Variants in PPFIA2 observed in about 807,000 individuals in gnomAD.
PPFIA2 encodes the protein PPFI scaffold protein A2.
Under a neutral mutation model 175.5 loss-of-function variants are expected in PPFIA2, and 46 were observed. The observed-to-expected ratio is 0.26, with a 90% CI of 0.21 to 0.34. The LOEUF (loss-of-function observed/expected upper bound fraction) is 0.34, where lower values mean the gene tolerates loss of function less well. Ranked by LOEUF, PPFIA2 falls within the 10% of genes least tolerant of loss-of-function variation. The probability of loss-of-function intolerance (pLI) is 1.00; values close to 1 mark genes in which losing one functional copy is unlikely to be tolerated. For missense variants in PPFIA2, 1,179 were observed against 1,506.1 expected (o/e 0.78, Z 3.60); for synonymous variants, 568 against 511.4 (o/e 1.11, Z -1.49).
At chr12:81,446,359 A>G (rs2051255051) in intron 5 of PPFIA2, among the ~76,000 whole-genome samples, 1 of 152,184 alleles carries the variant, frequency 6.6e-6, no homozygotes, top group Non-Finnish European at 1.5e-5. Context: ...TGGGGCCATG[A>G]CAGAGGTGGA....
chr12:81,409,986 G>C (rs991238991), intron 7 of PPFIA2, among the ~76,000 whole-genome samples: 1 of 152,092 alleles, frequency 6.6e-6, no homozygotes, highest in Non-Finnish European at 1.5e-5. Flanking sequence ...GTTTTGAGAG[G>C]TAAGGTCTTT....
At chr12:81,693,944 G>T (rs1396653562) in intron 3 of PPFIA2, among the ~76,000 whole-genome samples, 1 of 152,004 alleles carries the variant, frequency 6.6e-6, no homozygotes, top group African/African-American at 2.4e-5. Context: ...AAAGAGTGAT[G>T]ATTAGGGTAT....
chr12:81,264,135 C>G (rs2036497875), intron 30 of PPFIA2, among the ~76,000 whole-genome samples: 1 of 152,152 alleles, frequency 6.6e-6, no homozygotes, highest in African/African-American at 2.4e-5. Context: ...GACTTTTTCT[C>G]TAGTTCATTA....
chr12:81,387,781 C>T (rs1315040397), intron 8 of PPFIA2, among the ~76,000 whole-genome samples: 1 of 152,142 alleles, frequency 6.6e-6, no homozygotes, highest in Non-Finnish European at 1.5e-5. Context: ...TTCCACCCAT[C>T]TTCCCTAATC....
chr12:81,696,282 C>A (rs1340381072), intron 3 of PPFIA2, among the ~76,000 whole-genome samples: 1 of 152,124 alleles, frequency 6.6e-6, no homozygotes, highest in Non-Finnish European at 1.5e-5. Flanking sequence ...CAGTGAAATA[C>A]TGACTTGATG....
intron 4 of PPFIA2, among the ~76,000 whole-genome samples, chr12:81,655,776 G>A (rs1190578116): frequency 6.6e-6 from 1 of 151,914 alleles, no homozygotes; most frequent in South Asian, 2.1e-4. Flanking sequence ...ATGTCACCAA[G>A]GCCAAGCTTA....
Position 81,285,046 on chromosome 12 carries a change from A to AT in PPFIA2, c.2926-744dup, listed in dbSNP as rs538799139. Among the ~76,000 whole-genome samples, 59 of 152,102 alleles carry AT rather than the reference A, an allele frequency of 3.9e-4. No individual in the cohort carries two copies. The South Asian group carries it at 0.011, about 29-fold the overall frequency. On this transcript the variant is annotated intron_variant, in intron 24 of 32. Coordinates refer to ENST00000549396, the MANE Select transcript of PPFIA2 (RefSeq NM_003625.5). ...ATAGAGAAGAACATAGTGTAAAATA[A>AT]TTTTTTTTCTCTAGCAGGCAATATT...
chr12:81,537,361 T>G (rs1248770029), intron 4 of PPFIA2, among the ~76,000 whole-genome samples: 1 of 151,534 alleles, frequency 6.6e-6, no homozygotes, highest in Non-Finnish European at 1.5e-5. Flanking sequence ...AAAAGAGACA[T>G]AAATAAAAGA....
intron 22 of PPFIA2, chr12:81,302,803 A>T: frequency 2.8e-6 from 1 of 361,436 alleles, no homozygotes; most frequent in Non-Finnish European, 5.6e-6. Flanking sequence ...CACCATACAA[A>T]ATTTATAAAA....
chr12:81,524,766 C>A (rs996105315), intron 4 of PPFIA2, among the ~76,000 whole-genome samples: 4 of 152,090 alleles, frequency 2.6e-5, no homozygotes, highest in Non-Finnish European at 5.9e-5. Flanking sequence ...GGGGATGGGG[C>A]AGAATGAAAT....
chr12:81,605,693 A>AT (rs55909659), intron 4 of PPFIA2, among the ~76,000 whole-genome samples: 1 of 145,546 alleles, frequency 6.9e-6, no homozygotes. Context: ...CTATCTATCT[A>AT]ATCTGTCTAT....
intron 9 of PPFIA2, among the ~76,000 whole-genome samples, chr12:81,377,090 A>T (rs1311855963): frequency 6.6e-6 from 1 of 152,124 alleles, no homozygotes; most frequent in Non-Finnish European, 1.5e-5. Flanking sequence ...GAGAGAAAAT[A>T]CCAGAAGTAG....
Position 81,388,280 on chromosome 12 carries a change from A to T in PPFIA2, c.763-4036T>A, listed in dbSNP as rs564941310. On this transcript the variant is annotated intron_variant, in intron 8 of 32. Coordinates refer to ENST00000549396, the MANE Select transcript of PPFIA2 (RefSeq NM_003625.5). ...GAAGAAACTATTGTACTCTTGGGGT[A>T]AACAAATATAACTTGATATGCTTGT... Among the ~76,000 whole-genome samples the T allele has an allele frequency of 3.3e-5, 5 of 152,334 alleles. 2 individuals carry two copies. The South Asian group carries it at 1.0e-3, about 32-fold the overall frequency.
At chr12:81,708,053 G>T (rs1596615768) in intron 3 of PPFIA2, among the ~76,000 whole-genome samples, 3 of 149,008 alleles carry the variant, frequency 2.0e-5, no homozygotes, top group Admixed American at 6.7e-5. Context: ...GGATAGCATT[G>T]GGAGATATAC....
chr12:81,281,835 T>C (rs1161114608), intron 26 of PPFIA2, among the ~76,000 whole-genome samples: 2 of 152,106 alleles, frequency 1.3e-5, no homozygotes, highest in East Asian at 1.9e-4. Flanking sequence ...TTCCCACTTA[T>C]CAATGCCACT....
At chr12:81,356,272 G>C (rs890625223) in intron 16 of PPFIA2, among the ~76,000 whole-genome samples, 1 of 152,084 alleles carries the variant, frequency 6.6e-6, no homozygotes, top group Non-Finnish European at 1.5e-5. Context: ...ATATTGGCAT[G>C]GTTCATGGTG....
intron 4 of PPFIA2, among the ~76,000 whole-genome samples, chr12:81,492,245 C>A (rs1212948277): frequency 6.6e-6 from 1 of 151,702 alleles, no homozygotes; most frequent in African/African-American, 2.4e-5. Context: ...AAAAGTTTAT[C>A]ACATTCCTTC....
chr12:81,647,200 G>C (rs2066240226), intron 4 of PPFIA2, among the ~76,000 whole-genome samples: 1 of 152,072 alleles, frequency 6.6e-6, no homozygotes, highest in Admixed American at 6.5e-5. Context: ...ATTGGGCTTA[G>C]TAGCAGACCA....
intron 9 of PPFIA2, among the ~76,000 whole-genome samples, chr12:81,381,190 C>T (rs17008460): frequency 0.03 from 4,531 of 152,124 alleles, 213 homozygotes; most frequent in African/African-American, 0.1. Context: ...AGAGATATTC[C>T]TTTCTCAGGA....
Sources: allele counts gnomAD v4.1 joint callset (sites outside exome capture counted in the v4.1 genomes callset), GRCh38; gene constraint gnomAD v4.1.1; transcripts MANE v1.5; gene names NCBI Gene and HGNC (gene_info 2026-07-23, HGNC 2026-07-21).